KIRREL3: variants seen among roughly 807,000 people sequenced by gnomAD.
KIRREL3 encodes the protein kin of IRRE-like protein 3.
KIRREL3 carries 36 observed loss-of-function variants against 89.7 expected under a neutral mutation model. The observed-to-expected ratio is 0.40, with a 90% CI of 0.31 to 0.53. KIRREL3 has a LOEUF of 0.53. Ranked by LOEUF, KIRREL3 falls within the 20% of genes least tolerant of loss-of-function variation. The probability of loss-of-function intolerance (pLI) is 0.49; values close to 1 mark genes in which losing one functional copy is unlikely to be tolerated. For missense variants in KIRREL3, 864 were observed against 1,056.6 expected, an observed-to-expected ratio of 0.82 and a Z score of 2.53; for synonymous variants, 445 against 441.4, an observed-to-expected ratio of 1.01 and a Z score of -0.10.
chr11:126,456,039 G>GA (rs1956328264), intron 7 of KIRREL3, among the ~76,000 whole-genome samples: 1 of 68,312 alleles, frequency 1.5e-5, no homozygotes. Context: ...TTTTGTTTTC[G>GA]TTTTTTTTTT....
chr11:126,630,933 G>T (rs1168325814), intron 1 of KIRREL3, among the ~76,000 whole-genome samples: 7 of 152,106 alleles, frequency 4.6e-5, no homozygotes. Context: ...CCGAGTCAAG[G>T]CTCCTGACCA....
chr11:126,473,245 G>GCCC, intron 5 of KIRREL3, 64 bp downstream of exon 5: 1 of 420,430 alleles, frequency 2.4e-6, no homozygotes. Context: ...TGTCCACCTA[G>GCCC]CCCCCTCCCC....
intron 1 of KIRREL3, among the ~76,000 whole-genome samples, chr11:126,727,475 A>C (rs1948436068): frequency 1.3e-5 from 2 of 152,206 alleles, no homozygotes; most frequent in Non-Finnish European, 2.9e-5. Flanking sequence ...CTCAACTTGG[A>C]GGACTTGGTG....
chr11:126,803,098 G>C (rs888835425), intron 1 of KIRREL3, among the ~76,000 whole-genome samples: 1 of 152,182 alleles, frequency 6.6e-6, no homozygotes, highest in Non-Finnish European at 1.5e-5. Context: ...AGAGACTGAG[G>C]GGGCACACCT....
chr11:126,998,330 T>C (rs1382664317), intron 1 of KIRREL3, among the ~76,000 whole-genome samples: 2 of 152,298 alleles, frequency 1.3e-5, no homozygotes, highest in Non-Finnish European at 2.9e-5. Flanking sequence ...TTGATTCCCA[T>C]AGTCGGACAC....
intron 1 of KIRREL3, among the ~76,000 whole-genome samples, chr11:126,735,678 G>A (rs1565689411): frequency 6.6e-6 from 1 of 152,226 alleles, no homozygotes; most frequent in Non-Finnish European, 1.5e-5. Context: ...TTTAGGGACA[G>A]ATATTATTTC....
intron 1 of KIRREL3, among the ~76,000 whole-genome samples, chr11:126,790,560 A>G (rs1407424706): frequency 2.0e-5 from 3 of 152,180 alleles, no homozygotes; most frequent in African/African-American, 7.2e-5. Context: ...TAAAAAAAAT[A>G]CTTGTTAGGC....
At chr11:126,621,714 T>C (rs1200997302) in intron 1 of KIRREL3, among the ~76,000 whole-genome samples, 1 of 152,234 alleles carries the variant, frequency 6.6e-6, no homozygotes, top group Non-Finnish European at 1.5e-5. Context: ...ATTATAGTTT[T>C]ACTAGAACAT....
chr11:126,915,934 T>A (rs949111030), intron 1 of KIRREL3, among the ~76,000 whole-genome samples: 1 of 152,202 alleles, frequency 6.6e-6, no homozygotes, highest in Non-Finnish European at 1.5e-5. Flanking sequence ...ATAGGCTTCA[T>A]GACAGCAGGG....
chr11:126,433,944 C>T (rs1344391216), intron 13 of KIRREL3, among the ~76,000 whole-genome samples: 10 of 152,252 alleles, frequency 6.6e-5, no homozygotes, highest in Admixed American at 6.5e-4. Context: ...ATCCTGGGAT[C>T]CCCAGCCCAC....
At chr11:126,933,845 T>C (rs912245685) in intron 1 of KIRREL3, among the ~76,000 whole-genome samples, 1 of 151,806 alleles carries the variant, frequency 6.6e-6, no homozygotes, top group African/African-American at 2.4e-5. Context: ...AGACATTCCA[T>C]TTTAATGGTT....
At chr11:126,497,878 G>A (rs1010177504) in intron 4 of KIRREL3, among the ~76,000 whole-genome samples, 10 of 152,188 alleles carry the variant, frequency 6.6e-5, no homozygotes, top group African/African-American at 1.9e-4. Flanking sequence ...CCAAGCCTGG[G>A]CCTGAGCCTG....
At chr11:126,619,183 T>A (rs986163481) in intron 1 of KIRREL3, among the ~76,000 whole-genome samples, 1 of 152,176 alleles carries the variant, frequency 6.6e-6, no homozygotes, top group Non-Finnish European at 1.5e-5. Context: ...TGAGTTGAGA[T>A]CTGAATGACA....
At position 126,587,147 on chromosome 11, in the gene KIRREL3, G is replaced by T. The variant is rs1941903261; in HGVS notation, c.56-24235C>A. ...AGCACCGGGATGATGTGTAGGGAGA[G>T]CCACTCACCAGACATGGCAGTTCTT... On this transcript the variant is annotated intron_variant, in intron 1 of 16. Coordinates refer to ENST00000525144, the MANE Select transcript of KIRREL3 (RefSeq NM_032531.4). The surrounding 1 kb of genome is among the most constrained non-coding windows in gnomAD (Gnocchi z 5.2). 6.6e-6 allele frequency among the ~76,000 whole-genome samples: 1 copy of T among 152,136 alleles called. No individual in the cohort carries two copies. The highest frequency in any genetic ancestry group is 2.1e-4 in the South Asian group (1 of 4,826).
intron 1 of KIRREL3, among the ~76,000 whole-genome samples, chr11:126,952,046 A>T (rs1035893734): frequency 3.3e-5 from 5 of 152,368 alleles, no homozygotes; most frequent in African/African-American, 1.2e-4. Flanking sequence ...CTTGGAAAGG[A>T]CAGAAAAAAA....
intron 1 of KIRREL3, among the ~76,000 whole-genome samples, chr11:126,588,621 A>G (rs61901078): frequency 0.22 from 33,016 of 152,054 alleles, 4,605 homozygotes; most frequent in South Asian, 0.41. Context: ...CCACTGCTCT[A>G]TTTTCCCCAT....
chr11:126,698,165 G>A (rs1284356918), intron 1 of KIRREL3, among the ~76,000 whole-genome samples: 1 of 152,104 alleles, frequency 6.6e-6, no homozygotes, highest in Non-Finnish European at 1.5e-5. Context: ...TTCAGCAAAC[G>A]CTCCCTCTCT....
intron 1 of KIRREL3, among the ~76,000 whole-genome samples, chr11:126,663,274 C>T (rs538276344): frequency 6.8e-6 from 1 of 146,958 alleles, no homozygotes; most frequent in Non-Finnish European, 1.5e-5. Flanking sequence ...CAAACTCTGC[C>T]TCCCGGGGTC....
rs1197198649 is a variant in KIRREL3 at position 126,795,498 on chromosome 11, C to A, written c.55+204957G>T. ...GATTCTCCTGCCTCAGCCTCCTGAG[C>A]AGCTAGGACTACAGGCGTGTGCCAC... On this transcript the variant is annotated intron_variant, in intron 1 of 16. Coordinates refer to ENST00000525144, the MANE Select transcript of KIRREL3 (RefSeq NM_032531.4). The surrounding 1 kb of genome is among the most constrained non-coding windows in gnomAD (Gnocchi z 4.1). 6.6e-6 allele frequency among the ~76,000 whole-genome samples: 1 copy of A among 152,088 alleles called. No individual in the cohort carries two copies. Among genetic ancestry groups the A allele is most frequent in the African/African-American group, 2.4e-5 (1 of 41,406 alleles).
Sources: allele counts gnomAD v4.1 joint callset (sites outside exome capture counted in the v4.1 genomes callset), GRCh38; gene constraint gnomAD v4.1.1; non-coding constraint Gnocchi (gnomAD v3.1); transcripts MANE v1.5; gene names NCBI Gene and HGNC (gene_info 2026-07-23, HGNC 2026-07-21).